The following THSD7A variants were observed in gnomAD, a reference collection of about 807,000 sequenced individuals.
The protein encoded by THSD7A is thrombospondin type 1 domain containing 7A, also known as thrombospondin type-1 domain-containing protein 7A.
THSD7A carries 96 observed loss-of-function variants against 231.3 expected under a neutral mutation model. The observed-to-expected ratio is 0.41, with a 90% CI of 0.35 to 0.49. The LOEUF (loss-of-function observed/expected upper bound fraction) is 0.49, where lower values mean the gene tolerates loss of function less well. Ranked by LOEUF, THSD7A falls within the 20% of genes least tolerant of loss-of-function variation. THSD7A has a pLI of 0.05. For synonymous variants in THSD7A, 940 were observed against 743.3 expected, an observed-to-expected ratio of 1.26 and a Z score of -4.30; for missense variants, 2,290 against 2,070.2, an observed-to-expected ratio of 1.11 and a Z score of -2.06.
At chr7:11,638,107 C>T (rs1408662292) in intron 1 of THSD7A, among the ~76,000 whole-genome samples, 1 of 152,062 alleles carries the variant, frequency 6.6e-6, no homozygotes, top group Non-Finnish European at 1.5e-5. Flanking sequence ...CTGATTGATG[C>T]TTTTATAAGA....
At chr7:11,526,568 C>T (rs1241885619) in intron 6 of THSD7A, among the ~76,000 whole-genome samples, 1 of 152,200 alleles carries the variant, frequency 6.6e-6, no homozygotes, top group Non-Finnish European at 1.5e-5. Context: ...ACATAGCAGG[C>T]ATAACCATGT....
At chr7:11,540,171 A>C (rs1789084906) in intron 6 of THSD7A, among the ~76,000 whole-genome samples, 1 of 152,212 alleles carries the variant, frequency 6.6e-6, no homozygotes, top group Non-Finnish European at 1.5e-5. Flanking sequence ...TTATCGTAGC[A>C]AAAAAGCAGA....
At chr7:11,477,516 A>C (rs1786242384) in intron 7 of THSD7A, among the ~76,000 whole-genome samples, 1 of 152,158 alleles carries the variant, frequency 6.6e-6, no homozygotes, top group South Asian at 2.1e-4. Context: ...CAATGCTTTT[A>C]ATGAGATTGA....
At chr7:11,682,325 A>C (rs751966105) in intron 1 of THSD7A, among the ~76,000 whole-genome samples, 2 of 152,116 alleles carry the variant, frequency 1.3e-5, no homozygotes, top group Non-Finnish European at 2.9e-5. Context: ...TTGTATTTTT[A>C]AAAAGTTAAC....
intron 1 of THSD7A, among the ~76,000 whole-genome samples, chr7:11,823,081 T>TA (rs1048498462): frequency 2.0e-5 from 3 of 152,122 alleles, no homozygotes; most frequent in Non-Finnish European, 4.4e-5. Context: ...TTCTTATAGT[T>TA]AGGGGTCTTA....
chr7:11,520,668 T>C (rs1218644552), intron 6 of THSD7A, among the ~76,000 whole-genome samples: 2 of 151,734 alleles, frequency 1.3e-5, no homozygotes, highest in Non-Finnish European at 2.9e-5. Context: ...GACAAAAGAG[T>C]TTACAATTGT....
intron 23 of THSD7A, chr7:11,385,254 AATTTT>A (rs1167888083): frequency 3.9e-5 from 6 of 152,024 alleles, no homozygotes; most frequent in Non-Finnish European, 7.4e-5. Flanking sequence ...TGAGAATGAT[AATTTT>A]ATTTTTTCAT....
chr7:11,391,631 C>T (rs1583657323), intron 23 of THSD7A, among the ~76,000 whole-genome samples: 1 of 149,550 alleles, frequency 6.7e-6, no homozygotes, highest in Admixed American at 6.6e-5. Flanking sequence ...ATGGTTCTGT[C>T]CTGCTGGCAT....
intron 6 of THSD7A, among the ~76,000 whole-genome samples, chr7:11,485,111 G>A (rs530619917): frequency 1.3e-5 from 2 of 151,400 alleles, no homozygotes; most frequent in Admixed American, 1.3e-4. Context: ...GGCTGGTCTC[G>A]AACTCCTGAC....
chr7:11,690,584 G>C (rs1045349275), intron 1 of THSD7A, among the ~76,000 whole-genome samples: 3 of 151,688 alleles, frequency 2.0e-5, no homozygotes, highest in Admixed American at 1.3e-4. Flanking sequence ...GTAAGCTTGA[G>C]ACAGACTTGC....
chr7:11,728,380 A>T (rs1338665069), intron 1 of THSD7A, among the ~76,000 whole-genome samples: 2 of 151,966 alleles, frequency 1.3e-5, no homozygotes, highest in Non-Finnish European at 2.9e-5. Context: ...AAGAGAAGGC[A>T]GGAGTATATA....
At chr7:11,506,121 A>G (rs1419842284) in intron 6 of THSD7A, among the ~76,000 whole-genome samples, 1 of 152,118 alleles carries the variant, frequency 6.6e-6, no homozygotes, top group Non-Finnish European at 1.5e-5. Context: ...CCTCCCCAGT[A>G]GCTGGGACCA....
At chr7:11,477,854 T>G (rs542487292) in intron 7 of THSD7A, among the ~76,000 whole-genome samples, 2 of 152,290 alleles carry the variant, frequency 1.3e-5, no homozygotes, top group Middle Eastern at 3.4e-3. Context: ...CTCAGGTCTT[T>G]TCAGTGAATG....
chr7:11,821,147 T>C (rs1380151811), intron 1 of THSD7A: 23 of 1,110,556 alleles, frequency 2.1e-5, no homozygotes, highest in Non-Finnish European at 3.1e-5. Context: ...AGGTATTTAG[T>C]AAAGTGTTTA....
chr7:11,668,013 G>T (rs980567586), intron 1 of THSD7A, among the ~76,000 whole-genome samples: 3 of 152,174 alleles, frequency 2.0e-5, no homozygotes, highest in African/African-American at 4.8e-5. Flanking sequence ...GAACCAGAAA[G>T]CTGAAGTGGT....
intron 4 of THSD7A, among the ~76,000 whole-genome samples, chr7:11,589,271 G>A (rs532222204): frequency 1.4e-4 from 21 of 151,806 alleles, no homozygotes; most frequent in South Asian, 8.3e-4. Context: ...CTCCCCTCCC[G>A]TCTCTACAAC....
Position 11,444,911 on chromosome 7 carries a change from A to G in THSD7A, c.3064+1150T>C, listed in dbSNP as rs1784918033. Among the ~76,000 whole-genome samples the G allele has an allele frequency of 6.8e-6, 1 of 147,968 alleles. No homozygotes were observed. The highest frequency in any genetic ancestry group is 1.5e-5 in the Non-Finnish European group (1 of 67,196). The stretch of plus-strand genomic sequence containing the variant: ...TATATATATAAAATGCTGTATATAT[A>G]TAATGAAACTATATATGTATATATA... On this transcript the variant is annotated intron_variant, in intron 13 of 27. Transcript: ENST00000423059. This position sits in a 1 kb window ranked among gnomAD's most constrained non-coding sequence, Gnocchi z 4.2.
At chr7:11,675,078 T>C (rs928737408) in intron 1 of THSD7A, among the ~76,000 whole-genome samples, 14 of 152,152 alleles carry the variant, frequency 9.2e-5, no homozygotes, top group African/African-American at 3.1e-4. Context: ...CAATTCATTT[T>C]ATTGGGACTG....
chr7:11,719,819 T>A (rs1781284218), intron 1 of THSD7A, among the ~76,000 whole-genome samples: 1 of 151,770 alleles, frequency 6.6e-6, no homozygotes, highest in Non-Finnish European at 1.5e-5. Context: ...GCCATATCTG[T>A]TAAGTCTACT....
Sources: allele counts gnomAD v4.1 joint callset (sites outside exome capture counted in the v4.1 genomes callset), GRCh38; gene constraint gnomAD v4.1.1; non-coding constraint Gnocchi (gnomAD v3.1); transcripts MANE v1.5; gene names NCBI Gene and HGNC (gene_info 2026-07-23, HGNC 2026-07-21).